The following OR52E5 variants were observed in gnomAD, a reference collection of about 807,000 sequenced individuals.
OR52E5 encodes the protein olfactory receptor family 52 subfamily E member 5, also known as olfactory receptor 52E5.
Position 5,900,941 on chromosome 11 carries a change from G to A in OR52E5, c.165G>A (p.Gln55=), listed in dbSNP as rs961392321. 1 of 401,346 alleles carries A rather than the reference G, an allele frequency of 2.5e-6. No homozygotes were observed. The highest frequency in any genetic ancestry group is 1.3e-4 in the South Asian group (1 of 7,948). The allele number at this position is 401,346 out of a possible 1,614,324, so 24.9% of individuals were successfully genotyped here. A position where few individuals can be genotyped will look rare whatever the true frequency, so the allele number is the denominator to read the frequency against. ...IIILFVIQTE[Q]SLHQPMFYFL... is the part of the protein sequence containing the mutation. ...TCCTGTTTGTGATACAGACTGAACA[G>A]AGCCTCCACCAACCCATGTTTTACT... The change falls in exon 3 of 3, where the codon CAG becomes CAA. Residue 55 remains glutamine (Q), a synonymous_variant. Coordinates refer to ENST00000610445, the MANE Select transcript of OR52E5 (RefSeq NM_001005166.5).
chr11:5,895,605 A>G (rs1410632724), intron 1 of OR52E5, 27 bp from the exon 2 acceptor site: 3 of 152,204 alleles, frequency 2.0e-5, no homozygotes, highest in African/African-American at 4.8e-5. Flanking sequence ...TTAATGTTTT[A>G]AGCTAATCAT....
Position 5,900,698 on chromosome 11 carries a change from C to T in OR52E5, c.-79C>T. ...GTTTCCCCAAGAAATAGACACCATG[C>T]TGTGAAAGAAGTTATGGTTTCTCAC... On this transcript the variant is annotated 5_prime_UTR_variant, in exon 3 of 3. Transcript: ENST00000610445. The T allele has an allele frequency of 2.5e-6, 1 of 398,252 alleles. No homozygotes were observed. The highest frequency in any genetic ancestry group is 3.6e-5 in the East Asian group (1 of 28,076). The allele number at this position is 398,252 out of a possible 1,614,324, so 24.7% of individuals were successfully genotyped here. A position where few individuals can be genotyped will look rare whatever the true frequency, so the allele number is the denominator to read the frequency against.
intron 2 of OR52E5, among the ~76,000 whole-genome samples, chr11:5,898,700 C>A (rs1050886979): frequency 6.6e-6 from 1 of 152,122 alleles, no homozygotes; most frequent in African/African-American, 2.4e-5. Flanking sequence ...ATAAGATATC[C>A]TTACCCAGTT....
intron 1 of OR52E5, among the ~76,000 whole-genome samples, chr11:5,893,889 A>G (rs1301992917): frequency 6.6e-6 from 1 of 152,172 alleles, no homozygotes; most frequent in Non-Finnish European, 1.5e-5. Context: ...TTCATATCGT[A>G]TCATTTGAGG....
At position 5,900,773 on chromosome 11, in the gene OR52E5, C is replaced by T. The variant is rs1847238531; in HGVS notation, c.-4C>T. 2.5e-6 allele frequency: 1 copy of T among 400,566 alleles called. No homozygotes were observed. Among genetic ancestry groups the T allele is most frequent in the Admixed American group, 4.4e-5 (1 of 22,708 alleles). The allele number at this position is 400,566 out of a possible 1,614,324, so 24.8% of individuals were successfully genotyped here. A position where few individuals can be genotyped will look rare whatever the true frequency, so the allele number is the denominator to read the frequency against. ...AAATGTGTCTGTAGGGAATGGCCAC[C>T]AATATGCTTCATACCAACAATACAC... is the stretch of plus-strand genomic sequence containing the variant. On this transcript the variant is annotated 5_prime_UTR_variant, in exon 3 of 3. Coordinates refer to ENST00000610445, the MANE Select transcript of OR52E5 (RefSeq NM_001005166.5).
chr11:5,900,325 G>A (rs1299389836), intron 2 of OR52E5, among the ~76,000 whole-genome samples: 1 of 151,970 alleles, frequency 6.6e-6, no homozygotes, highest in Non-Finnish European at 1.5e-5. Context: ...TTGCAAGAAT[G>A]TATCATTCCT....
At position 5,900,660 on chromosome 11, in the gene OR52E5, G is replaced by T. The variant is rs187095281; in HGVS notation, c.-117G>T. 2.5e-6 allele frequency: 1 copy of T among 397,322 alleles called. No individual in the cohort carries two copies. The highest frequency in any genetic ancestry group is 2.1e-5 in the African/African-American group (1 of 48,688). The allele number at this position is 397,322 out of a possible 1,614,324, so 24.6% of individuals were successfully genotyped here. A position where few individuals can be genotyped will look rare whatever the true frequency, so the allele number is the denominator to read the frequency against. ...TCTTATGCTATATTATGGAGTTAAAGAATGGATTTTCTGTTTCCCCAAGAA... is the reference window on the plus strand; with the variant it reads ...TCTTATGCTATATTATGGAGTTAAATAATGGATTTTCTGTTTCCCCAAGAA... On this transcript the variant is annotated 5_prime_UTR_variant, in exon 3 of 3. An upstream open reading frame in the 5' UTR gains an earlier in-frame stop. Transcript: ENST00000610445.
At chr11:5,894,417 T>C (rs1171987002) in intron 1 of OR52E5, among the ~76,000 whole-genome samples, 2 of 152,058 alleles carry the variant, frequency 1.3e-5, no homozygotes, top group South Asian at 2.1e-4. Flanking sequence ...GAAAGATAGA[T>C]TGGCCTTTGG....
intron 1 of OR52E5, among the ~76,000 whole-genome samples, chr11:5,895,205 T>C (rs1330579754): frequency 6.6e-6 from 1 of 152,192 alleles, no homozygotes; most frequent in Non-Finnish European, 1.5e-5. Context: ...AAAATTACTT[T>C]AAGTGAACAA....
Position 5,901,561 on chromosome 11 carries a change from G to C in OR52E5, c.785G>C (p.Arg262Pro), listed in dbSNP as rs112500834. The change falls in exon 3 of 3, where the codon CGC (arginine) becomes CCC (proline). Residue 262 changes from arginine (R) to proline (P), a missense_variant. Transcript: ENST00000610445. Reference sequence around the variant, plus strand: ...GCCCTCTTTTCCTTCATGACACACCGCTTTGGCCACAACATCCCTCATTAC... The same window carrying C: ...GCCCTCTTTTCCTTCATGACACACCCCTTTGGCCACAACATCCCTCATTAC... ...LPALFSFMTH[R>P]FGHNIPHYIH... is the part of the protein sequence containing the mutation. The C allele has an allele frequency of 2.5e-6, 1 of 401,534 alleles. No individual in the cohort carries two copies. The highest frequency in any genetic ancestry group is 2.1e-5 in the African/African-American group (1 of 48,588). 24.9% of individuals were successfully genotyped at this position (401,534 alleles called of 1,614,324 possible). A position where few individuals can be genotyped will look rare whatever the true frequency, so the allele number is the denominator to read the frequency against.
chr11:5,897,286 T>G (rs1379513792), intron 2 of OR52E5, among the ~76,000 whole-genome samples: 1 of 152,182 alleles, frequency 6.6e-6, no homozygotes, highest in Admixed American at 6.5e-5. Context: ...CCTCTCTACC[T>G]CCCTCCCCAC....
chr11:5,894,388 G>A (rs1324413424), intron 1 of OR52E5, among the ~76,000 whole-genome samples: 1 of 152,138 alleles, frequency 6.6e-6, no homozygotes, highest in Non-Finnish European at 1.5e-5. Flanking sequence ...TTTGAAAACC[G>A]CTGATAACTC....
At chr11:5,894,324 T>C (rs189097312) in intron 1 of OR52E5, among the ~76,000 whole-genome samples, 1 of 152,152 alleles carries the variant, frequency 6.6e-6, no homozygotes, top group East Asian at 1.9e-4. Context: ...CCAAGAAATG[T>C]CATTTATAAC....
chr11:5,898,925 C>T (rs567184951), intron 2 of OR52E5, among the ~76,000 whole-genome samples: 1 of 152,044 alleles, frequency 6.6e-6, no homozygotes, highest in Non-Finnish European at 1.5e-5. Flanking sequence ...TATTTGGGCT[C>T]TTTTTTGGTT....
intron 2 of OR52E5, among the ~76,000 whole-genome samples, chr11:5,898,534 A>G (rs1009501406): frequency 1.3e-5 from 2 of 152,158 alleles, no homozygotes; most frequent in African/African-American, 4.8e-5. Flanking sequence ...CAATGTCCAG[A>G]AAAGTTTTTC....
intron 2 of OR52E5, among the ~76,000 whole-genome samples, chr11:5,898,046 A>C (rs1004369457): frequency 6.6e-6 from 1 of 150,864 alleles, no homozygotes; most frequent in Non-Finnish European, 1.5e-5. Context: ...TTTTTTTTAG[A>C]TGAAGTCTCC....
intron 2 of OR52E5, among the ~76,000 whole-genome samples, chr11:5,898,596 T>A (rs1267295569): frequency 3.9e-5 from 6 of 152,310 alleles, no homozygotes; most frequent in South Asian, 4.1e-4. Flanking sequence ...AAGTTTTTAG[T>A]CCATTTTGAG....
chr11:5,901,960 T>C lies in OR52E5; in HGVS notation c.*200T>C, dbSNP rs144333016. 32 of 383,808 alleles carry C rather than the reference T, an allele frequency of 8.3e-5. No individual in the cohort carries two copies. The highest frequency in any genetic ancestry group is 6.4e-4 in the African/African-American group (31 of 48,404). 23.8% of individuals were successfully genotyped at this position (383,808 alleles called of 1,614,324 possible). ...AAAAAGTACTCACACTTAAGCCCCATGATACTACAAAATGCCTAAAGAGAA... is the reference window on the plus strand; with the variant it reads ...AAAAAGTACTCACACTTAAGCCCCACGATACTACAAAATGCCTAAAGAGAA... On this transcript the variant is annotated 3_prime_UTR_variant, in exon 3 of 3. Coordinates refer to ENST00000610445, the MANE Select transcript of OR52E5 (RefSeq NM_001005166.5).
In OR52E5 at chr11:5,902,084, C is replaced by T. The variant is rs553038751; in HGVS notation, c.*324C>T. ...ACATATCCAAAGCTGAAGTTCATGA[C>T]GATTAAAATGATGTGGTATTTCATC... On this transcript the variant is annotated 3_prime_UTR_variant, in exon 3 of 3. Transcript: ENST00000610445. 35 of 186,782 alleles carry T rather than the reference C, an allele frequency of 1.9e-4. No homozygotes were observed. Among genetic ancestry groups the T allele is most frequent in the African/African-American group, 7.7e-4 (33 of 42,962 alleles). 11.6% of individuals were successfully genotyped at this position (186,782 alleles called of 1,614,324 possible).
Sources: gnomAD v4.1 joint callset for allele counts (sites outside exome capture counted in the v4.1 genomes callset) on GRCh38, gnomAD v4.1.1 for gene constraint, MANE v1.5 for transcripts, NCBI Gene and HGNC (gene_info 2026-07-23, HGNC 2026-07-21) for gene names.